Variants in ABCC4 observed in about 807,000 individuals in gnomAD.
ABCC4 encodes the protein ATP binding cassette subfamily C member 4 (PEL blood group).
ABCC4 carries 102 observed loss-of-function variants against 168.5 expected under a neutral mutation model. The observed-to-expected ratio is 0.61, with a 90% CI of 0.52 to 0.71. The LOEUF (loss-of-function observed/expected upper bound fraction) is 0.71. Among genes scored for constraint, ABCC4 ranks in the 30% least tolerant of loss-of-function variants. The pLI, the probability that ABCC4 is intolerant of heterozygous loss-of-function variation, is 0.00. For missense variants in ABCC4, 1,402 were observed against 1,605.8 expected (o/e 0.87, Z 2.17); for synonymous variants, 617 against 590.7 (o/e 1.04, Z -0.65).
intron 1 of ABCC4, among the ~76,000 whole-genome samples, chr13:95,250,709 TTTG>T (rs1312097612): frequency 6.6e-6 from 1 of 151,860 alleles, no homozygotes; most frequent in Non-Finnish European, 1.5e-5. Flanking sequence ...GCATTTAGTT[TTTG>T]TTGTTTTTTC....
At chr13:95,198,369 A>C (rs2038522197) in intron 8 of ABCC4, among the ~76,000 whole-genome samples, 2 of 152,224 alleles carry the variant, frequency 1.3e-5, no homozygotes, top group Non-Finnish European at 2.9e-5. Flanking sequence ...GCTCATTATC[A>C]CTGGTCATTA....
At chr13:95,171,625 G>C (rs1430458263) in intron 13 of ABCC4, among the ~76,000 whole-genome samples, 1 of 151,786 alleles carries the variant, frequency 6.6e-6, no homozygotes, top group Non-Finnish European at 1.5e-5. Context: ...CAAGGGCCAA[G>C]AACATAACTC....
intron 20 of ABCC4, among the ~76,000 whole-genome samples, chr13:95,100,398 C>T (rs1048217360): frequency 5.3e-5 from 8 of 152,192 alleles, no homozygotes; most frequent in Non-Finnish European, 1.0e-4. Flanking sequence ...GATTAACTGT[C>T]ACCACACTAA....
intron 1 of ABCC4, among the ~76,000 whole-genome samples, chr13:95,293,001 C>A (rs370304740): frequency 2.0e-5 from 3 of 152,064 alleles, no homozygotes; most frequent in African/African-American, 7.2e-5. Context: ...CTGGCAGGGA[C>A]GACATAGCGA....
At chr13:95,277,182 T>C (rs951596767) in intron 1 of ABCC4, among the ~76,000 whole-genome samples, 2 of 152,220 alleles carry the variant, frequency 1.3e-5, no homozygotes. Flanking sequence ...GGCACTCTTA[T>C]AGGTTCTAGA....
rs553688040 is a variant in ABCC4 at position 95,086,559 on chromosome 13, C to T, written c.2536-3269G>A. 3.3e-5 allele frequency among the ~76,000 whole-genome samples: 5 copies of T among 152,292 alleles called. No individual in the cohort carries two copies. The South Asian group carries it at 1.0e-3, about 32-fold the overall frequency. ...CTACAATGCCTGTTTGGCATTTAACCACCAAACTGCTTTGAGTCCTGGAGA... is the reference window on the plus strand; with the variant it reads ...CTACAATGCCTGTTTGGCATTTAACTACCAAACTGCTTTGAGTCCTGGAGA... On this transcript the variant is annotated intron_variant, in intron 20 of 30. Coordinates refer to ENST00000645237, the MANE Select transcript of ABCC4 (RefSeq NM_005845.5).
intron 8 of ABCC4, among the ~76,000 whole-genome samples, chr13:95,203,090 G>A (rs1050260280): frequency 3.9e-4 from 59 of 152,254 alleles, no homozygotes; most frequent in Admixed American, 2.7e-3. Flanking sequence ...GAATGATAGG[G>A]GAGTTACACA....
chr13:95,146,989 A>G (rs556532278), intron 19 of ABCC4, among the ~76,000 whole-genome samples: 1 of 152,284 alleles, frequency 6.6e-6, no homozygotes, highest in Non-Finnish European at 1.5e-5. Context: ...CAAACAACCT[A>G]TTTTTGACTT....
chr13:95,216,467 C>A (rs530764330), intron 4 of ABCC4, among the ~76,000 whole-genome samples: 5 of 152,132 alleles, frequency 3.3e-5, no homozygotes, highest in African/African-American at 1.2e-4. Context: ...GCAACTAAAA[C>A]AAACTGAAAT....
At chr13:95,039,793 C>A (rs903311694) in intron 29 of ABCC4, among the ~76,000 whole-genome samples, 1 of 152,188 alleles carries the variant, frequency 6.6e-6, no homozygotes, top group Admixed American at 6.5e-5. Flanking sequence ...AGGATGCCAT[C>A]GCTGATAGTG....
chr13:95,235,797 G>A (rs913576530), intron 3 of ABCC4, among the ~76,000 whole-genome samples: 1 of 152,150 alleles, frequency 6.6e-6, no homozygotes, highest in Non-Finnish European at 1.5e-5. Flanking sequence ...CTACAAGCCC[G>A]GATGTGCCCA....
intron 3 of ABCC4, among the ~76,000 whole-genome samples, chr13:95,239,098 A>C (rs1290706869): frequency 4.9e-5 from 1 of 20,448 alleles, no homozygotes; most frequent in East Asian, 7.4e-3. Context: ...ATTTGACTGT[A>C]AAAAAAAATA....
intron 1 of ABCC4, among the ~76,000 whole-genome samples, chr13:95,268,860 C>T (rs1481580141): frequency 2.6e-5 from 4 of 151,868 alleles, no homozygotes; most frequent in African/African-American, 4.9e-5. Context: ...GGTCCTGGCG[C>T]GGGTTCTCCG....
intron 8 of ABCC4, among the ~76,000 whole-genome samples, chr13:95,197,656 C>T (rs1751022): frequency 0.22 from 33,815 of 152,082 alleles, 3,785 homozygotes; most frequent in Admixed American, 0.28. Context: ...AAGTATCAGA[C>T]GGCAGAACTG....
chr13:95,043,757 C>G lies in ABCC4; in HGVS notation c.3660G>C (p.Arg1220=), dbSNP rs1420123852. 1 of 1,613,696 alleles carries G rather than the reference C, an allele frequency of 6.2e-7. No homozygotes were observed. Among genetic ancestry groups the G allele is most frequent in the Admixed American group, 1.7e-5 (1 of 59,990 alleles). Residue 1220 remains arginine, a synonymous_variant, in exon 29 of 31, where the codon CGG becomes CGC. Transcript: ENST00000645237. ...RTDELIQKKI[R]EKFAHCTVLT... is the part of the protein sequence containing the mutation. The stretch of plus-strand genomic sequence containing the variant: ...GCACGGTGCAGTGGGCAAATTTCTC[C>G]CGGATTTTTTTTTGTATTAACTCAT...
intron 29 of ABCC4, among the ~76,000 whole-genome samples, chr13:95,038,186 A>G (rs1333441324): frequency 2.0e-5 from 3 of 152,136 alleles, no homozygotes; most frequent in Admixed American, 6.6e-5. Context: ...AAGTTTCAGG[A>G]TTAATAATGA....
At chr13:95,296,178 AC>A (rs2041530456) in intron 1 of ABCC4, among the ~76,000 whole-genome samples, 1,057 of 24,620 alleles carry the variant, frequency 0.043, 17 homozygotes, top group African/African-American at 0.089. Context: ...ACACACACAC[AC>A]ACACAAAAAC....
At chr13:95,164,054 A>AAAAAAAAAAAAG (rs59935866) in intron 16 of ABCC4, among the ~76,000 whole-genome samples, 2 of 139,014 alleles carry the variant, frequency 1.4e-5, no homozygotes, top group African/African-American at 2.8e-5. Flanking sequence ...AAAAAAAAAA[A>AAAAAAAAAAAAG]AAAGAAAGAA....
At chr13:95,029,494 C>T (rs532369865) in intron 30 of ABCC4, among the ~76,000 whole-genome samples, 7 of 151,926 alleles carry the variant, frequency 4.6e-5, no homozygotes, top group East Asian at 1.9e-4. Flanking sequence ...AGAGGAACTG[C>T]GTGATGAAGG....
Sources: gnomAD v4.1 joint callset for allele counts (sites outside exome capture counted in the v4.1 genomes callset) on GRCh38, gnomAD v4.1.1 for gene constraint, MANE v1.5 for transcripts, NCBI Gene and HGNC (gene_info 2026-07-23, HGNC 2026-07-21) for gene names.